Variants in TRIO observed in about 807,000 individuals in gnomAD.
TRIO encodes the protein triple functional domain protein.
Under a neutral mutation model 351.9 loss-of-function variants are expected in TRIO, and 58 were observed. That is an observed-to-expected ratio of 0.16 (90% CI 0.13 to 0.21). TRIO has a LOEUF of 0.21. Among genes scored for constraint, TRIO ranks in the 10% least tolerant of loss-of-function variants. TRIO has a pLI of 1.00. For missense variants in TRIO, 3,201 were observed against 4,027.8 expected (o/e 0.79, Z 5.56); for synonymous variants, 1,758 against 1,595.7 (o/e 1.10, Z -2.42).
chr5:14,143,638 C>A lies in TRIO; in HGVS notation c.-88C>A. On this transcript the variant is annotated 5_prime_UTR_variant, in exon 1 of 57. Coordinates refer to ENST00000344204, the MANE Select transcript of TRIO (RefSeq NM_007118.4). Reference sequence around the variant, plus strand: ...CGGGCGCGGGCAGCTGGGTGCTCGGCGCCGCCAGGCCCGGCGCGGAGCGGG... The same window carrying A: ...CGGGCGCGGGCAGCTGGGTGCTCGGAGCCGCCAGGCCCGGCGCGGAGCGGG... 3.5e-6 allele frequency: 2 copies of A among 573,648 alleles called. No homozygotes were observed. The highest frequency in any genetic ancestry group is 7.5e-5 in the South Asian group (1 of 13,274). 35.5% of individuals were successfully genotyped at this position (573,648 alleles called of 1,614,324 possible). A position where few individuals can be genotyped will look rare whatever the true frequency, so the allele number is the denominator to read the frequency against.
At chr5:14,199,340 GT>G (rs1211178512) in intron 1 of TRIO, among the ~76,000 whole-genome samples, 1 of 152,046 alleles carries the variant, frequency 6.6e-6, no homozygotes, top group East Asian at 1.9e-4. Context: ...GGACCATGAG[GT>G]TTTGGATTAT....
rs148322962 is a variant in TRIO at position 14,476,666 on chromosome 5, C to T, written c.6084-228C>T. 5.7e-3 allele frequency among the ~76,000 whole-genome samples: 869 copies of T among 152,014 alleles called. 9 individuals carry two copies. The highest frequency in any genetic ancestry group is 0.02 in the African/African-American group (820 of 41,438). On this transcript the variant is annotated intron_variant, in intron 40 of 56. Transcript: ENST00000344204. ...AAAATTAGCTAGGCATAGTGGTGCACGCCTATAACCCCAGCTACTTGGGAG... is the reference window on the plus strand; with the variant it reads ...AAAATTAGCTAGGCATAGTGGTGCATGCCTATAACCCCAGCTACTTGGGAG...
At chr5:14,378,527 G>A (rs756293143) in intron 20 of TRIO, among the ~76,000 whole-genome samples, 9 of 151,670 alleles carry the variant, frequency 5.9e-5, no homozygotes, top group Non-Finnish European at 8.8e-5. Flanking sequence ...TTAAAATTAA[G>A]TAGGAAATGT....
chr5:14,432,913 C>G (rs1243480021), intron 34 of TRIO, among the ~76,000 whole-genome samples: 1 of 152,194 alleles, frequency 6.6e-6, no homozygotes, highest in Non-Finnish European at 1.5e-5. Context: ...AATTTTAGCC[C>G]TATATCTCTC....
intron 9 of TRIO, among the ~76,000 whole-genome samples, chr5:14,322,632 A>G (rs898772739): frequency 1.4e-4 from 21 of 152,086 alleles, no homozygotes; most frequent in African/African-American, 4.3e-4. Context: ...AGCATCACCT[A>G]CACTAGACCT....
intron 34 of TRIO, among the ~76,000 whole-genome samples, chr5:14,435,248 C>T (rs1290841921): frequency 6.6e-6 from 1 of 152,136 alleles, no homozygotes; most frequent in Non-Finnish European, 1.5e-5. Flanking sequence ...TCCACGAGGC[C>T]GGACTCCCTG....
intron 27 of TRIO, among the ~76,000 whole-genome samples, chr5:14,391,940 A>G (rs939625648): frequency 6.6e-6 from 1 of 152,244 alleles, no homozygotes. Context: ...TCCCAGGCCA[A>G]AGTGGCCTTT....
chr5:14,437,065 T>A (rs570482414), intron 34 of TRIO, among the ~76,000 whole-genome samples: 1 of 152,362 alleles, frequency 6.6e-6, no homozygotes, highest in South Asian at 2.1e-4. Flanking sequence ...TATTCTAACC[T>A]TCTTCCTTTC....
intron 11 of TRIO, among the ~76,000 whole-genome samples, chr5:14,350,240 C>T (rs923431796): frequency 5.1e-4 from 77 of 152,226 alleles, no homozygotes; most frequent in African/African-American, 1.8e-3. Flanking sequence ...GAAGACTTGC[C>T]ACGGCAAAGA....
intron 3 of TRIO, among the ~76,000 whole-genome samples, chr5:14,283,792 TAAC>T (rs1445147521): frequency 6.6e-6 from 1 of 152,024 alleles, no homozygotes; most frequent in Non-Finnish European, 1.5e-5. Context: ...ACAATTGTAG[TAAC>T]AAGGTGAGTT....
chr5:14,228,980 T>G (rs528921830), intron 1 of TRIO, among the ~76,000 whole-genome samples: 2 of 152,214 alleles, frequency 1.3e-5, no homozygotes, highest in Non-Finnish European at 2.9e-5. Context: ...TAGGTATGTG[T>G]TCATAAAATG....
chr5:14,171,382 G>A (rs1006671589), intron 1 of TRIO, among the ~76,000 whole-genome samples: 7 of 152,170 alleles, frequency 4.6e-5, no homozygotes, highest in South Asian at 2.1e-4. Flanking sequence ...GTAAATCTAC[G>A]TTTTTCAGTG....
chr5:14,265,706 A>G (rs1795632341), intron 1 of TRIO, among the ~76,000 whole-genome samples: 1 of 152,218 alleles, frequency 6.6e-6, no homozygotes, highest in African/African-American at 2.4e-5. Context: ...GTCTCAGTGC[A>G]GCATCTCTTT....
At chr5:14,148,194 A>C (rs546325578) in intron 1 of TRIO, among the ~76,000 whole-genome samples, 73 of 152,250 alleles carry the variant, frequency 4.8e-4, no homozygotes, top group Non-Finnish European at 8.8e-4. Flanking sequence ...GATTTAAATG[A>C]AGCCGGTGGT....
At chr5:14,474,741 C>A (rs1266916922) in intron 40 of TRIO, among the ~76,000 whole-genome samples, 2 of 152,132 alleles carry the variant, frequency 1.3e-5, no homozygotes, top group Non-Finnish European at 2.9e-5. Context: ...TAGCTCACTG[C>A]AGCCTTGAAC....
At chr5:14,224,475 A>G (rs1581388776) in intron 1 of TRIO, among the ~76,000 whole-genome samples, 1 of 152,156 alleles carries the variant, frequency 6.6e-6, no homozygotes. Flanking sequence ...GATTCACTGA[A>G]GGTGACATAG....
intron 1 of TRIO, among the ~76,000 whole-genome samples, chr5:14,184,897 C>T (rs1165508518): frequency 6.6e-6 from 1 of 152,154 alleles, no homozygotes; most frequent in Non-Finnish European, 1.5e-5. Context: ...GCTCATTAAT[C>T]ACGTTTAGTG....
intron 11 of TRIO, among the ~76,000 whole-genome samples, chr5:14,341,290 C>T (rs1465694349): frequency 2.0e-5 from 3 of 152,234 alleles, no homozygotes; most frequent in South Asian, 2.1e-4. Flanking sequence ...ACTCTTTTCA[C>T]TCATTCATTC....
chr5:14,352,783 G>T (rs1246274424), intron 11 of TRIO, among the ~76,000 whole-genome samples: 2 of 152,122 alleles, frequency 1.3e-5, no homozygotes, highest in African/African-American at 4.8e-5. Context: ...GTTCCTTCAC[G>T]GTCTCCTCAG....
Sources: gnomAD v4.1 joint callset for allele counts (sites outside exome capture counted in the v4.1 genomes callset) on GRCh38, gnomAD v4.1.1 for gene constraint, MANE v1.5 for transcripts, NCBI Gene and HGNC (gene_info 2026-07-23, HGNC 2026-07-21) for gene names.